The following COG5 variants were observed in gnomAD, a reference collection of about 807,000 sequenced individuals.
COG5 encodes component of oligomeric golgi complex 5, also known as conserved oligomeric Golgi complex subunit 5.
In COG5, 86 loss-of-function variants were observed where a neutral mutation model predicts 110.4. The observed-to-expected ratio is 0.78, with a 90% CI of 0.65 to 0.93. The LOEUF (loss-of-function observed/expected upper bound fraction) is 0.93. Ranked by LOEUF, COG5 falls within the 40% of genes least tolerant of loss-of-function variation. The probability of loss-of-function intolerance (pLI) is 0.00; values close to 1 mark genes in which losing one functional copy is unlikely to be tolerated. For missense variants in COG5, 1,077 were observed against 987.0 expected (o/e 1.09, Z -1.22); for synonymous variants, 360 against 334.6 (o/e 1.08, Z -0.83).
intron 10 of COG5, among the ~76,000 whole-genome samples, chr7:107,357,136 A>G (rs1445454050): frequency 6.6e-6 from 1 of 152,210 alleles, no homozygotes; most frequent in Admixed American, 6.5e-5. Context: ...TATCTTAACT[A>G]GAAAAATAAT....
intron 6 of COG5, among the ~76,000 whole-genome samples, chr7:107,507,988 G>C (rs538695846): frequency 1.3e-5 from 2 of 152,360 alleles, no homozygotes; most frequent in Admixed American, 6.5e-5. Context: ...ATTTCCATCT[G>C]AGGTATCGCG....
At chr7:107,512,404 A>C (rs1799588856) in intron 6 of COG5, among the ~76,000 whole-genome samples, 1 of 152,248 alleles carries the variant, frequency 6.6e-6, no homozygotes, top group African/African-American at 2.4e-5. Flanking sequence ...AGAGGACACA[A>C]ACAAATGGAA....
intron 10 of COG5, among the ~76,000 whole-genome samples, chr7:107,342,870 T>C (rs967583208): frequency 3.9e-5 from 6 of 152,174 alleles, no homozygotes; most frequent in African/African-American, 1.4e-4. Context: ...TTATTAGGTA[T>C]ATATTCAAAA....
chr7:107,552,150 G>A (rs1802943310), intron 3 of COG5, among the ~76,000 whole-genome samples: 1 of 152,116 alleles, frequency 6.6e-6, no homozygotes, highest in Non-Finnish European at 1.5e-5. Context: ...CTGTTGCGGT[G>A]ATTCATCTAG....
At chr7:107,376,864 TGA>T (rs1814681600) in intron 7 of COG5, among the ~76,000 whole-genome samples, 1 of 152,134 alleles carries the variant, frequency 6.6e-6, no homozygotes, top group African/African-American at 2.4e-5. Flanking sequence ...AAGTATGTAT[TGA>T]GATAATAATT....
intron 7 of COG5, among the ~76,000 whole-genome samples, chr7:107,396,830 A>C (rs1001920036): frequency 6.6e-6 from 1 of 152,180 alleles, no homozygotes; most frequent in Non-Finnish European, 1.5e-5. Context: ...TATTAAAAGG[A>C]AACTATTGAA....
At chr7:107,342,419 T>A (rs1301658921) in intron 10 of COG5, among the ~76,000 whole-genome samples, 1 of 145,096 alleles carries the variant, frequency 6.9e-6, no homozygotes, top group East Asian at 2.1e-4. Context: ...GGCTCACACC[T>A]ATAATCCCAG....
chr7:107,347,900 G>C lies in COG5; in HGVS notation c.1026+14133C>G, dbSNP rs191344581. On this transcript the variant is annotated intron_variant, in intron 10 of 21. Coordinates refer to ENST00000297135, the MANE Select transcript of COG5 (RefSeq NM_006348.5). ...CCAGGACTTTGGGAGGCTGAGGCAG[G>C]TGGATCACGAGGTCAGGAGATCGAG... 5.4e-3 allele frequency among the ~76,000 whole-genome samples: 825 copies of C among 152,184 alleles called. 9 individuals are homozygous for C. Among genetic ancestry groups the C allele is most frequent in the African/African-American group, 0.019 (803 of 41,524 alleles).
At position 107,211,146 on chromosome 7, in the gene COG5, G is replaced by GAAT. The variant is rs751641438; in HGVS notation, c.2245_2247dup (p.Ile749dup). The GAAT allele has an allele frequency of 1.2e-6, 2 of 1,614,020 alleles. No individual in the cohort carries two copies. The highest frequency in any genetic ancestry group is 1.7e-6 in the Non-Finnish European group (2 of 1,179,926). ...GCGGGTGCTCTCGTGAACAAAAACT[G>GAAT]AATAATGATGCTGAACGGAATCACA... On this transcript the variant is annotated inframe_insertion, in exon 20 of 22. Transcript: ENST00000297135.
At chr7:107,280,480 T>C (rs990001990) in intron 14 of COG5, among the ~76,000 whole-genome samples, 1 of 152,070 alleles carries the variant, frequency 6.6e-6, no homozygotes, top group African/African-American at 2.4e-5. Flanking sequence ...TAGATTATTT[T>C]GTTTATTATG....
chr7:107,451,463 G>A (rs1480026688), intron 6 of COG5, among the ~76,000 whole-genome samples: 1 of 152,078 alleles, frequency 6.6e-6, no homozygotes. Flanking sequence ...ATGGTGAAAG[G>A]ATTGGTACCA....
chr7:107,245,484 G>A (rs555514433), intron 17 of COG5, among the ~76,000 whole-genome samples: 6 of 152,244 alleles, frequency 3.9e-5, no homozygotes, highest in African/African-American at 9.6e-5. Context: ...TGGCCCAAAA[G>A]CTCCTTCAGC....
chr7:107,295,933 G>C (rs1192578600), intron 12 of COG5, among the ~76,000 whole-genome samples: 2 of 152,186 alleles, frequency 1.3e-5, no homozygotes, highest in East Asian at 1.9e-4. Flanking sequence ...TGGGATTACA[G>C]GCATGCACCA....
intron 10 of COG5, among the ~76,000 whole-genome samples, chr7:107,327,299 A>G (rs907538721): frequency 6.6e-6 from 1 of 152,188 alleles, no homozygotes; most frequent in African/African-American, 2.4e-5. Context: ...CTAACTCAAA[A>G]TGGATTAAGG....
At chr7:107,291,256 TTC>T (rs1806146278) in intron 12 of COG5, among the ~76,000 whole-genome samples, 2 of 152,162 alleles carry the variant, frequency 1.3e-5, no homozygotes, top group Non-Finnish European at 2.9e-5. Context: ...ATTCTTTTCT[TTC>T]TGTTTTTTTG....
chr7:107,424,343 G>A (rs1228830406), intron 6 of COG5, among the ~76,000 whole-genome samples: 1 of 152,002 alleles, frequency 6.6e-6, no homozygotes, highest in Admixed American at 6.6e-5. Context: ...TTTCAGAGAA[G>A]GGTGGAAGGG....
At chr7:107,558,284 CAT>C (rs1372167363) in intron 1 of COG5, among the ~76,000 whole-genome samples, 169 bp from the exon 2 acceptor site, 1 of 152,114 alleles carries the variant, frequency 6.6e-6, no homozygotes, top group African/African-American at 2.4e-5. Context: ...GGAAGTATAA[CAT>C]TGAGAAAGAG....
At chr7:107,211,366 C>T in intron 19 of COG5, 141 bp from the exon 20 acceptor site, 1 of 924,872 alleles carries the variant, frequency 1.1e-6, no homozygotes, top group South Asian at 1.4e-5. Flanking sequence ...CCACTCTATT[C>T]AGCCTTGAGA....
chr7:107,256,664 C>G, intron 16 of COG5, 68 bp downstream of exon 16: 1 of 979,322 alleles, frequency 1.0e-6, no homozygotes, highest in Non-Finnish European at 1.6e-6. Context: ...TGTGACATTG[C>G]CCACTCAGCA....
Sources: gnomAD v4.1 joint callset for allele counts (sites outside exome capture counted in the v4.1 genomes callset) on GRCh38, gnomAD v4.1.1 for gene constraint, MANE v1.5 for transcripts, NCBI Gene and HGNC (gene_info 2026-07-23, HGNC 2026-07-21) for gene names.